The following GALNT13 variants were observed in gnomAD, a reference collection of about 807,000 sequenced individuals.
GALNT13 encodes the protein UDP-GalNAc:polypeptide N-acetylgalactosaminyltransferase 13.
A neutral mutation model predicts 64.2 loss-of-function variants in GALNT13; 28 were observed. The ratio of observed to expected loss-of-function variants is 0.44; its 90% CI spans 0.32 to 0.60. GALNT13 has a LOEUF of 0.60. GALNT13 is among the 20% of genes least tolerant of loss of function. The pLI, the probability that GALNT13 is intolerant of heterozygous loss-of-function variation, is 0.05. For synonymous variants in GALNT13, 214 were observed against 224.6 expected (o/e 0.95, Z 0.42); for missense variants, 577 against 669.8 (o/e 0.86, Z 1.53).
chr2:153,879,411 C>A (rs1686624329), intron 1 of GALNT13, among the ~76,000 whole-genome samples: 1 of 151,698 alleles, frequency 6.6e-6, no homozygotes. Flanking sequence ...GAGACAGAGT[C>A]TGCCTCTGTT....
At chr2:153,869,350 T>C (rs1293374998), upstream of GALNT13, among the ~76,000 whole-genome samples, 2 of 152,166 alleles carry the variant, frequency 1.3e-5, no homozygotes, top group Non-Finnish European at 1.5e-5. Flanking sequence ...CCCAGTTTGC[T>C]CTCCAATTCT....
chr2:153,657,584 A>G, the GALNT13 span, among the ~76,000 whole-genome samples: 1 of 152,208 alleles, frequency 6.6e-6, no homozygotes, highest in African/African-American at 2.4e-5. Flanking sequence ...TCAGGAAGCA[A>G]TGCCTGAGGG....
intron 3 of GALNT13, among the ~76,000 whole-genome samples, chr2:153,963,686 A>C: frequency 7.4e-6 from 1 of 135,584 alleles, no homozygotes; most frequent in Admixed American, 7.6e-5. Flanking sequence ...ACTGAGCATC[A>C]ATTTCTCTCT....
At chr2:153,656,317 A>AGTGTGTGTGTGTGTGTGTGTGT in the GALNT13 span, among the ~76,000 whole-genome samples, 1 of 149,362 alleles carries the variant, frequency 6.7e-6, no homozygotes, top group Admixed American at 6.7e-5. Flanking sequence ...GACTTAAAGA[A>AGTGTGTGTGTGTGTGTGTGTGT]GTGTGTGTGT....
At chr2:153,366,629 G>T in the GALNT13 span, among the ~76,000 whole-genome samples, 3 of 150,806 alleles carry the variant, frequency 2.0e-5, no homozygotes, top group African/African-American at 4.9e-5. Flanking sequence ...AGAAGTGATG[G>T]GCAAAAATAT....
chr2:153,698,609 A>G, the GALNT13 span, among the ~76,000 whole-genome samples: 1 of 152,206 alleles, frequency 6.6e-6, no homozygotes, highest in Non-Finnish European at 1.5e-5. Context: ...TTACAGACCT[A>G]CAAAGAGACT....
chr2:153,731,309 G>T, the GALNT13 span, among the ~76,000 whole-genome samples: 8 of 151,852 alleles, frequency 5.3e-5, no homozygotes, highest in African/African-American at 1.7e-4. Context: ...ATGTGTACAC[G>T]TGGACATATA....
intron 4 of GALNT13, among the ~76,000 whole-genome samples, chr2:154,158,573 A>T (rs768647703): frequency 3.9e-5 from 6 of 152,152 alleles, no homozygotes; most frequent in Non-Finnish European, 8.8e-5. Context: ...GCCTATTAAA[A>T]TATAAAGTCC....
At chr2:153,311,757 G>A in the GALNT13 span, among the ~76,000 whole-genome samples, 6 of 152,310 alleles carry the variant, frequency 3.9e-5, no homozygotes, top group South Asian at 1.0e-3. Context: ...AAGCTATGGT[G>A]TTTTCACAAT....
At chr2:154,046,694 C>T (rs1185706890) in intron 3 of GALNT13, among the ~76,000 whole-genome samples, 1 of 152,054 alleles carries the variant, frequency 6.6e-6, no homozygotes, top group Admixed American at 6.5e-5. Context: ...ACTATGAGCT[C>T]AACAGGGTGG....
chr2:154,096,137 T>A lies in GALNT13; in HGVS notation c.143-44200T>A, dbSNP rs561993146. 1.0e-3 allele frequency among the ~76,000 whole-genome samples: 155 copies of A among 152,098 alleles called. No individual in the cohort carries two copies. In the Middle Eastern group the frequency reaches 0.01, roughly 10 times the overall value. ...TGATACATATTTTTACACAAACAAA[T>A]TGAAATTGAATTTGAAGTCTTCCAG... On this transcript the variant is annotated intron_variant, in intron 3 of 12. Transcript: ENST00000392825.
chr2:153,870,316 T>G (rs900822333), upstream of GALNT13, among the ~76,000 whole-genome samples: 5 of 152,150 alleles, frequency 3.3e-5, no homozygotes, highest in African/African-American at 1.2e-4. Context: ...CAAAATGGAA[T>G]TGCGCCTTTT....
chr2:153,649,836 G>A, the GALNT13 span, among the ~76,000 whole-genome samples: 7 of 152,258 alleles, frequency 4.6e-5, no homozygotes, highest in South Asian at 1.4e-3. Context: ...GAGACAGTTT[G>A]TTATAATTTC....
the GALNT13 span, among the ~76,000 whole-genome samples, chr2:153,507,063 T>C: frequency 6.6e-6 from 1 of 152,176 alleles, no homozygotes; most frequent in African/African-American, 2.4e-5. Context: ...TTGTCTTTGA[T>C]GGATTAATTT....
chr2:153,605,054 C>T, the GALNT13 span, among the ~76,000 whole-genome samples: 1 of 152,102 alleles, frequency 6.6e-6, no homozygotes, highest in African/African-American at 2.4e-5. Context: ...CTATCCAGTT[C>T]GATTTCCAGT....
chr2:153,661,397 C>A, the GALNT13 span, among the ~76,000 whole-genome samples: 988 of 152,236 alleles, frequency 6.5e-3, 9 homozygotes, highest in African/African-American at 0.022. Flanking sequence ...TTATAAGATT[C>A]ACAGTGAGCT....
chr2:154,225,733 C>G (rs1688583395), intron 4 of GALNT13, among the ~76,000 whole-genome samples: 1 of 151,980 alleles, frequency 6.6e-6, no homozygotes, highest in Non-Finnish European at 1.5e-5. Flanking sequence ...CCCAAAGATA[C>G]AGGGGAAGTT....
At chr2:154,009,429 T>C (rs1172320965) in intron 3 of GALNT13, among the ~76,000 whole-genome samples, 1 of 152,006 alleles carries the variant, frequency 6.6e-6, no homozygotes, top group African/African-American at 2.4e-5. Flanking sequence ...TAAAAAAAAT[T>C]CTGTGAAGAT....
the GALNT13 span, among the ~76,000 whole-genome samples, chr2:153,190,534 C>A: frequency 1.3e-5 from 2 of 151,870 alleles, no homozygotes; most frequent in African/African-American, 4.8e-5. Flanking sequence ...TAGTTTTGTT[C>A]TTTTTTCTCA....
Sources: gnomAD v4.1 joint callset for allele counts (sites outside exome capture counted in the v4.1 genomes callset) on GRCh38, gnomAD v4.1.1 for gene constraint, MANE v1.5 for transcripts, NCBI Gene and HGNC (gene_info 2026-07-23, HGNC 2026-07-21) for gene names.